PTPRD: variants seen among roughly 807,000 people sequenced by gnomAD.
PTPRD encodes the protein receptor-type tyrosine-protein phosphatase delta.
In PTPRD, 34 loss-of-function variants were observed where a neutral mutation model predicts 214.5. That is an observed-to-expected ratio of 0.16 (90% CI 0.12 to 0.21). PTPRD has a LOEUF of 0.21. Among genes scored for constraint, PTPRD ranks in the 10% least tolerant of loss-of-function variants. The pLI is 1.00. For synonymous variants in PTPRD, 1,128 were observed against 845.7 expected (o/e 1.33, Z -5.79); for missense variants, 2,545 against 2,398.7 (o/e 1.06, Z -1.27).
intron 2 of PTPRD, among the ~76,000 whole-genome samples, chr9:10,423,247 T>A (rs1022245264): frequency 1.3e-5 from 2 of 151,922 alleles, no homozygotes; most frequent in African/African-American, 2.4e-5. Context: ...TAGGTGGGAA[T>A]TGAACAATGA....
At chr9:10,569,903 T>C (rs1263668596) in intron 2 of PTPRD, among the ~76,000 whole-genome samples, 3 of 152,112 alleles carry the variant, frequency 2.0e-5, no homozygotes, top group Non-Finnish European at 4.4e-5. Flanking sequence ...ACAGTAGTTC[T>C]AGTGTTACTC....
chr9:9,684,325 C>A lies in PTPRD; in HGVS notation c.-287+50208G>T, dbSNP rs1019431579. ...ACACTCTAATATGTGAGATGTTATT[C>A]TTTTCTAGCATCCAGATCCTATCAA... On this transcript the variant is annotated intron_variant, in intron 7 of 45. Coordinates refer to ENST00000381196, the MANE Select transcript of PTPRD (RefSeq NM_002839.4). Among the ~76,000 whole-genome samples the A allele has an allele frequency of 2.0e-5, 3 of 151,632 alleles. No individual in the cohort carries two copies. The South Asian group carries it at 6.2e-4, about 31-fold the overall frequency.
At position 9,947,595 on chromosome 9, in the gene PTPRD, T is replaced by A. The variant is rs867732456; in HGVS notation, c.-471-8985A>T. 5.6e-5 allele frequency among the ~76,000 whole-genome samples: 3 copies of A among 53,774 alleles called. 1 individual carries two copies. Among genetic ancestry groups the A allele is most frequent in the African/African-American group, 3.6e-4 (3 of 8,274 alleles). The allele number at this position is 53,774 out of a possible 152,430, so 35.3% of individuals were successfully genotyped here. ...ATATATTATATATATATTATATATA[T>A]AATATATATATTTTATATATATATA... On this transcript the variant is annotated intron_variant, in intron 4 of 45. Transcript: ENST00000381196.
chr9:10,239,613 AG>A (rs1413164002), intron 3 of PTPRD, among the ~76,000 whole-genome samples: 2 of 84,728 alleles, frequency 2.4e-5, no homozygotes, highest in Non-Finnish European at 6.9e-5. Flanking sequence ...CTGTGATAGC[AG>A]AATAATAATA....
At chr9:9,240,982 G>T (rs1037932696) in intron 9 of PTPRD, among the ~76,000 whole-genome samples, 1 of 152,078 alleles carries the variant, frequency 6.6e-6, no homozygotes, top group African/African-American at 2.4e-5. Flanking sequence ...AAAGAACTCT[G>T]AAATGTACAG....
chr9:8,598,487 T>TAAATAAAC (rs1028328678), intron 14 of PTPRD, among the ~76,000 whole-genome samples: 3 of 149,926 alleles, frequency 2.0e-5, no homozygotes, highest in Admixed American at 6.6e-5. Flanking sequence ...AATAAATAAA[T>TAAATAAAC]AAACAAATAA....
At chr9:9,261,607 CTAA>C (rs1047000779) in intron 9 of PTPRD, among the ~76,000 whole-genome samples, 5 of 150,996 alleles carry the variant, frequency 3.3e-5, no homozygotes, top group Non-Finnish European at 5.9e-5. Flanking sequence ...AAGCAAACCT[CTAA>C]TAATAATGAG....
At chr9:8,803,083 A>C (rs1600281156) in intron 11 of PTPRD, among the ~76,000 whole-genome samples, 2 of 152,196 alleles carry the variant, frequency 1.3e-5, no homozygotes, top group South Asian at 2.1e-4. Context: ...AATAAATAAA[A>C]TGGACATAAT....
At chr9:9,483,364 G>T (rs993931652) in intron 8 of PTPRD, among the ~76,000 whole-genome samples, 2 of 152,164 alleles carry the variant, frequency 1.3e-5, no homozygotes, top group Non-Finnish European at 2.9e-5. Flanking sequence ...GATGCGTGAA[G>T]ATTGACATGT....
chr9:8,594,728 T>C (rs752713101), intron 14 of PTPRD, among the ~76,000 whole-genome samples: 32 of 152,170 alleles, frequency 2.1e-4, no homozygotes, highest in Non-Finnish European at 1.2e-4. Flanking sequence ...CTTTCTGCCA[T>C]GATTCTAAGT....
At chr9:9,992,937 C>T (rs2095998234) in intron 4 of PTPRD, among the ~76,000 whole-genome samples, 1 of 151,530 alleles carries the variant, frequency 6.6e-6, no homozygotes, top group South Asian at 2.1e-4. Flanking sequence ...TACCCTAGAA[C>T]TTAAAGTAAA....
chr9:8,469,969 T>C (rs2096620469), intron 31 of PTPRD, among the ~76,000 whole-genome samples: 1 of 152,130 alleles, frequency 6.6e-6, no homozygotes, highest in Non-Finnish European at 1.5e-5. Context: ...CTCTCTGTAA[T>C]GTAGGTAGGG....
intron 3 of PTPRD, among the ~76,000 whole-genome samples, chr9:10,239,397 T>C (rs1171851496): frequency 6.6e-6 from 1 of 151,944 alleles, no homozygotes; most frequent in Non-Finnish European, 1.5e-5. Context: ...GTCTTCATAG[T>C]AAGATTTCCC....
intron 9 of PTPRD, among the ~76,000 whole-genome samples, chr9:9,379,475 C>T (rs1206484545): frequency 1.3e-5 from 2 of 151,862 alleles, no homozygotes; most frequent in Non-Finnish European, 2.9e-5. Flanking sequence ...TAATATCAGT[C>T]CTCCAACTTT....
chr9:8,331,731 G>C lies in PTPRD; in HGVS notation c.5385C>G (p.Gly1795=), dbSNP rs148862881. The change falls in exon 44 of 46, where the codon GGC becomes GGG. Residue 1795 remains glycine, a synonymous_variant. Transcript: ENST00000381196. The stretch of plus-strand genomic sequence containing the variant: ...GGAACTGCCTTACTGTTCGGGACTG[G>C]CCGTCCTTTAGAAGGAAAGCCACAT... ...REFKVTDARD[G]QSRTVRQFQF... is the part of the protein sequence containing the mutation. The C allele has an allele frequency of 6.9e-6, 11 of 1,592,388 alleles. No individual in the cohort carries two copies. Among genetic ancestry groups the C allele is most frequent in the Non-Finnish European group, 9.4e-6 (11 of 1,170,520 alleles).
chr9:9,015,672 G>T (rs867123203), intron 11 of PTPRD, among the ~76,000 whole-genome samples: 3 of 152,054 alleles, frequency 2.0e-5, no homozygotes, highest in Non-Finnish European at 4.4e-5. Flanking sequence ...ACCCTCTCTT[G>T]GGTGGGGTCT....
intron 3 of PTPRD, among the ~76,000 whole-genome samples, chr9:10,159,884 C>A (rs550116159): frequency 7.9e-5 from 12 of 151,964 alleles, no homozygotes; most frequent in South Asian, 6.2e-4. Flanking sequence ...AGGCAGAATC[C>A]GAGAATTATT....
chr9:9,333,504 T>A (rs4079914), intron 9 of PTPRD, among the ~76,000 whole-genome samples: 1 of 137,248 alleles, frequency 7.3e-6, no homozygotes, highest in African/African-American at 2.9e-5. Flanking sequence ...ATATAGTATA[T>A]TATATATATA....
At chr9:10,299,484 C>A (rs926642109) in intron 3 of PTPRD, among the ~76,000 whole-genome samples, 1 of 152,076 alleles carries the variant, frequency 6.6e-6, no homozygotes, top group East Asian at 1.9e-4. Flanking sequence ...TAAATGGAGA[C>A]CTTGAATGTG....
Sources: allele counts gnomAD v4.1 joint callset (sites outside exome capture counted in the v4.1 genomes callset), GRCh38; gene constraint gnomAD v4.1.1; transcripts MANE v1.5; gene names NCBI Gene and HGNC (gene_info 2026-07-23, HGNC 2026-07-21).